The following EDNRA variants were observed in gnomAD, a reference collection of about 807,000 sequenced individuals.
EDNRA encodes the protein endothelin-1 receptor.
A neutral mutation model predicts 41.4 loss-of-function variants in EDNRA; 11 were observed. The observed-to-expected ratio is 0.27, with a 90% CI of 0.17 to 0.44. The LOEUF (loss-of-function observed/expected upper bound fraction) is 0.44, where lower values mean the gene tolerates loss of function less well. Among genes scored for constraint, EDNRA ranks in the 20% least tolerant of loss-of-function variants. The probability of loss-of-function intolerance (pLI) is 1.00; values close to 1 mark genes in which losing one functional copy is unlikely to be tolerated. For synonymous variants in EDNRA, 172 were observed against 183.0 expected (o/e 0.94, Z 0.49); for missense variants, 294 against 531.0 (o/e 0.55, Z 4.39).
At chr4:147,539,764 C>T (rs1179445599) in intron 5 of EDNRA, 53 bp from the exon 6 acceptor site, 17 of 1,574,632 alleles carry the variant, frequency 1.1e-5, no homozygotes, top group African/African-American at 1.4e-5. Flanking sequence ...GTTCTTGCAT[C>T]TAGTATAAAA....
At position 147,539,802 on chromosome 4, in the gene EDNRA, C is replaced by T. The variant is rs1405850589; in HGVS notation, c.901-15C>T. On this transcript the variant is annotated splice_polypyrimidine_tract_variant and intron_variant, in intron 5 of 7. Transcript: ENST00000651419. The stretch of plus-strand genomic sequence containing the variant: ...ACTAAATTTGTTGTCCTATTTTTTT[C>T]TCACTTTCCTTTAGCGTCGAGAAGT... 1.3e-6 allele frequency: 2 copies of T among 1,598,044 alleles called. No individual in the cohort carries two copies.
At chr4:147,526,658 T>C (rs1418513564) in intron 3 of EDNRA, among the ~76,000 whole-genome samples, 2 of 152,208 alleles carry the variant, frequency 1.3e-5, no homozygotes, top group Non-Finnish European at 2.9e-5. Flanking sequence ...CACCTGATTC[T>C]CTTCTAAATT....
intron 2 of EDNRA, chr4:147,490,473 A>G (rs1286357290): frequency 6.6e-6 from 1 of 152,190 alleles, no homozygotes; most frequent in East Asian, 1.9e-4. Context: ...CTTATAACCC[A>G]TACTGCTGGT....
intron 3 of EDNRA, among the ~76,000 whole-genome samples, chr4:147,530,954 C>T (rs1389637263): frequency 6.6e-6 from 1 of 152,096 alleles, no homozygotes; most frequent in East Asian, 1.9e-4. Context: ...ACGGCAGCAA[C>T]AAAAATTTCA....
rs201942329 is a variant in EDNRA at position 147,544,777 on chromosome 4, G to A, written c.*2159G>A. On this transcript the variant is annotated 3_prime_UTR_variant, in exon 8 of 8. Coordinates refer to ENST00000651419, the MANE Select transcript of EDNRA (RefSeq NM_001957.4). ...CAGAAAGTCATAGATTTCTGAAGGC[G>A]TCAACGTGCATTTTATTTATGGACT... The A allele has an allele frequency of 3.9e-5, 6 of 152,492 alleles. No individual in the cohort carries two copies. The highest frequency in any genetic ancestry group is 1.9e-4 in the East Asian group (1 of 5,192). The allele number at this position is 152,492 out of a possible 1,614,324, so 9.4% of individuals were successfully genotyped here.
chr4:147,518,476 T>C (rs1730195237), intron 2 of EDNRA, among the ~76,000 whole-genome samples: 1 of 152,172 alleles, frequency 6.6e-6, no homozygotes, highest in Non-Finnish European at 1.5e-5. Context: ...TCAAAAACTA[T>C]TTAGAAGAAA....
chr4:147,515,997 T>G (rs1405051544), intron 2 of EDNRA, among the ~76,000 whole-genome samples: 1 of 152,230 alleles, frequency 6.6e-6, no homozygotes, highest in African/African-American at 2.4e-5. Context: ...CTCTGCTGTT[T>G]AGAAGAGCTT....
chr4:147,516,881 C>T (rs1005213623), intron 2 of EDNRA, among the ~76,000 whole-genome samples: 2 of 151,874 alleles, frequency 1.3e-5, no homozygotes, highest in Admixed American at 1.3e-4. Flanking sequence ...AAAATCAAAA[C>T]TTTTTGATTA....
At position 147,486,495 on chromosome 4, in the gene EDNRA, G is replaced by A. The variant is rs1282230309; in HGVS notation, c.420+394G>A. 2.0e-5 allele frequency among the ~76,000 whole-genome samples: 3 copies of A among 152,176 alleles called. No homozygotes were observed. Among genetic ancestry groups the A allele is most frequent in the African/African-American group, 7.2e-5 (3 of 41,448 alleles). On this transcript the variant is annotated intron_variant, in intron 2 of 7. Coordinates refer to ENST00000651419, the MANE Select transcript of EDNRA (RefSeq NM_001957.4). The surrounding 1 kb of genome is among the most constrained non-coding windows in gnomAD (Gnocchi z 4.3). Reference sequence around the variant, plus strand: ...TGAAACAAACATATCCTTGAGTTTAGTTACCGTTGAATATGATGCTGTTCA... The same window carrying A: ...TGAAACAAACATATCCTTGAGTTTAATTACCGTTGAATATGATGCTGTTCA...
chr4:147,496,535 G>C (rs1347252688), intron 2 of EDNRA, among the ~76,000 whole-genome samples: 1 of 152,188 alleles, frequency 6.6e-6, no homozygotes, highest in African/African-American at 2.4e-5. Context: ...GAACACATGT[G>C]TAACCAGGAT....
At position 147,517,464 on chromosome 4, in the gene EDNRA, A is replaced by G. The variant is rs540072160; in HGVS notation, c.421-2387A>G. Among the ~76,000 whole-genome samples, 9 of 152,334 alleles carry G rather than the reference A, an allele frequency of 5.9e-5. No homozygotes were observed. In the East Asian group the frequency reaches 1.7e-3, roughly 29 times the overall value. On this transcript the variant is annotated intron_variant, in intron 2 of 7. Transcript: ENST00000651419. Reference sequence around the variant, plus strand: ...TGGAACCAGAGAGGAAAAGGAAAAGAGGGGGACGTTGCCTACAGGCAGGGA... The same window carrying G: ...TGGAACCAGAGAGGAAAAGGAAAAGGGGGGGACGTTGCCTACAGGCAGGGA...
rs896799396 is a variant in EDNRA at position 147,530,303 on chromosome 4, T to G, written c.549-2203T>G. Among the ~76,000 whole-genome samples the G allele has an allele frequency of 3.9e-5, 6 of 152,300 alleles. No individual in the cohort carries two copies. The East Asian group carries it at 1.2e-3, about 29-fold the overall frequency. ...ATAGATGTAACTCCGTTGACAGCCT[T>G]GGGATATAGACATCCTGTCTCCATT... On this transcript the variant is annotated intron_variant, in intron 3 of 7. Coordinates refer to ENST00000651419, the MANE Select transcript of EDNRA (RefSeq NM_001957.4).
intron 2 of EDNRA, chr4:147,506,301 T>G: frequency 2.2e-6 from 1 of 456,954 alleles, no homozygotes; most frequent in Non-Finnish European, 4.3e-6. Flanking sequence ...AGGCCATATA[T>G]GAACAATATT....
rs1728959409 is a variant in EDNRA at position 147,486,736 on chromosome 4, T to G, written c.420+635T>G. Among the ~76,000 whole-genome samples the G allele has an allele frequency of 6.6e-6, 1 of 152,070 alleles. No individual in the cohort carries two copies. The highest frequency in any genetic ancestry group is 2.1e-4 in the South Asian group (1 of 4,820). ...AAAATTTGCCTGCTTTACTGTGGTC[T>G]CCTTCATTTCTTCAGTCTGCATTTA... On this transcript the variant is annotated intron_variant, in intron 2 of 7. Coordinates refer to ENST00000651419, the MANE Select transcript of EDNRA (RefSeq NM_001957.4). The surrounding 1 kb of genome is among the most constrained non-coding windows in gnomAD (Gnocchi z 4.3).
Position 147,540,413 on chromosome 4 carries a change from G to A in EDNRA, c.1071G>A (p.Leu357=), listed in dbSNP as rs1393049067. The change falls in exon 7 of 8, where the codon TTG becomes TTA. Residue 357 remains leucine (L), a synonymous_variant. Transcript: ENST00000651419. The part of the protein sequence containing the change: ...LLLMDYIGIN[L]ATMNSCINPI... The stretch of plus-strand genomic sequence containing the variant: ...TCATGGATTACATCGGTATTAACTT[G>A]GCAACCATGAATTCATGTATAAACC... The A allele has an allele frequency of 6.2e-7, 1 of 1,613,458 alleles. No individual in the cohort carries two copies. The highest frequency in any genetic ancestry group is 8.5e-7 in the Non-Finnish European group (1 of 1,179,726).
At chr4:147,492,668 T>C (rs1729176950) in intron 2 of EDNRA, 1 of 152,164 alleles carries the variant, frequency 6.6e-6, no homozygotes, top group African/African-American at 2.4e-5. Context: ...AGTTTTTTTT[T>C]TTTTTGCTCT....
intron 5 of EDNRA, 109 bp from the exon 6 acceptor site, chr4:147,539,708 C>T: frequency 2.3e-6 from 3 of 1,309,106 alleles, no homozygotes; most frequent in Non-Finnish European, 3.1e-6. Flanking sequence ...CCTGGCTCTT[C>T]TTTGAATTAT....
At position 147,544,064 on chromosome 4, in the gene EDNRA, GT is replaced by G. The variant is rs1188277009; in HGVS notation, c.*1447del. ...GACTGTCTCTGTGGAATATATTTGT[GT>G]GTGTGATATATGCATGTGTGTGATG... On this transcript the variant is annotated 3_prime_UTR_variant, in exon 8 of 8. Coordinates refer to ENST00000651419, the MANE Select transcript of EDNRA (RefSeq NM_001957.4). 2 of 152,538 alleles carry G rather than the reference GT, an allele frequency of 1.3e-5. No individual in the cohort carries two copies. Among genetic ancestry groups the G allele is most frequent in the Admixed American group, 1.3e-4 (2 of 15,264 alleles). 9.4% of individuals were successfully genotyped at this position (152,538 alleles called of 1,614,324 possible). A position where few individuals can be genotyped will look rare whatever the true frequency, so the allele number is the denominator to read the frequency against.
chr4:147,512,167 T>A (rs1241096588), intron 2 of EDNRA, among the ~76,000 whole-genome samples: 1 of 152,208 alleles, frequency 6.6e-6, no homozygotes, highest in Admixed American at 6.5e-5. Context: ...AGTAAAAGCC[T>A]CAAGTCCCTC....
Sources: allele counts gnomAD v4.1 joint callset (sites outside exome capture counted in the v4.1 genomes callset), GRCh38; gene constraint gnomAD v4.1.1; non-coding constraint Gnocchi (gnomAD v3.1); transcripts MANE v1.5; gene names NCBI Gene and HGNC (gene_info 2026-07-23, HGNC 2026-07-21).